The following CDIN1 variants were observed in gnomAD, a reference collection of about 807,000 sequenced individuals.
The protein encoded by CDIN1 is CDAN1 interacting nuclease 1.
In CDIN1, 33 loss-of-function variants were observed where a neutral mutation model predicts 45.3. That is an observed-to-expected ratio of 0.73 (90% CI 0.55 to 0.97). The LOEUF is 0.97. Among genes scored for constraint, CDIN1 ranks in the 50% least tolerant of loss-of-function variants. CDIN1 has a pLI of 0.00. For synonymous variants in CDIN1, 118 were observed against 124.4 expected (o/e 0.95, Z 0.34); for missense variants, 303 against 339.4 (o/e 0.89, Z 0.84).
chr15:36,597,357 G>A (rs2037885140), intron 1 of CDIN1, among the ~76,000 whole-genome samples: 1 of 152,086 alleles, frequency 6.6e-6, no homozygotes, highest in African/African-American at 2.4e-5. Context: ...ACCTCTTACT[G>A]AATTTTTTGA....
At chr15:36,711,524 A>G (rs1419629795) in intron 10 of CDIN1, among the ~76,000 whole-genome samples, 2 of 152,158 alleles carry the variant, frequency 1.3e-5, no homozygotes, top group Non-Finnish European at 2.9e-5. Context: ...TGCCTGGAGG[A>G]TGTCTGTGTG....
intron 8 of CDIN1, chr15:36,706,764 A>T (rs971207832): frequency 1.3e-5 from 2 of 152,168 alleles, no homozygotes; most frequent in African/African-American, 4.8e-5. Context: ...GATAACAGTG[A>T]GAGTTCTCCA....
intron 10 of CDIN1, among the ~76,000 whole-genome samples, chr15:36,722,691 T>A (rs972482087): frequency 6.6e-6 from 1 of 152,194 alleles, no homozygotes; most frequent in African/African-American, 2.4e-5. Flanking sequence ...GAATGGATAA[T>A]GTATAAGTGA....
Position 36,705,586 on chromosome 15 carries a change from A to C in CDIN1, c.545-3637A>C, listed in dbSNP as rs531677614. ...GTATAAATTGGAATGTTGGACTAGT[A>C]ATCTCTACAATTTTGCTAGTTCAGA... On this transcript the variant is annotated intron_variant, in intron 8 of 10. Transcript: ENST00000566621. 5.3e-5 allele frequency: 8 copies of C among 152,242 alleles called. No homozygotes were observed. The East Asian group carries it at 1.5e-3, about 29-fold the overall frequency. The allele number at this position is 152,242 out of a possible 1,614,324, so 9.4% of individuals were successfully genotyped here.
At chr15:36,704,701 C>A (rs1167832745) in intron 8 of CDIN1, 2 of 151,946 alleles carry the variant, frequency 1.3e-5, no homozygotes, top group African/African-American at 4.8e-5. Flanking sequence ...TAATAATATT[C>A]TTCTTATCAT....
At chr15:36,651,288 C>G (rs551849223) in intron 3 of CDIN1, among the ~76,000 whole-genome samples, 130 of 152,240 alleles carry the variant, frequency 8.5e-4, no homozygotes, top group Non-Finnish European at 1.3e-3. Context: ...CCCCAAAGAG[C>G]ATTCAGGGTA....
Position 36,579,740 on chromosome 15 carries a change from C to A in CDIN1, c.-121C>A. On this transcript the variant is annotated 5_prime_UTR_variant, in exon 1 of 11. Transcript: ENST00000566621. ...TGTTTCAGGGGGGATTGGGGCAAGC[C>A]AAGCAGGCGAGGACCCGGGCCTGTG... 1 of 740,666 alleles carries A rather than the reference C, an allele frequency of 1.4e-6. No individual in the cohort carries two copies. The highest frequency in any genetic ancestry group is 2.2e-6 in the Non-Finnish European group (1 of 457,752). 45.9% of individuals were successfully genotyped at this position (740,666 alleles called of 1,614,324 possible).
intron 10 of CDIN1, among the ~76,000 whole-genome samples, chr15:36,740,681 G>A (rs1421127595): frequency 1.3e-5 from 2 of 152,160 alleles, no homozygotes; most frequent in East Asian, 1.9e-4. Context: ...CCGAGGTCGG[G>A]AGTTCGAGAC....
rs112508557 is a variant in CDIN1 at position 36,754,709 on chromosome 15, A to G, written c.716+44748A>G. The stretch of plus-strand genomic sequence containing the variant: ...ATGATATTTGAAAAGGCCATAAAGA[A>G]AAACAATTATATAATTGTTTTTAAA... On this transcript the variant is annotated intron_variant, in intron 10 of 10. Transcript: ENST00000566621. 5.1e-3 allele frequency among the ~76,000 whole-genome samples: 772 copies of G among 152,202 alleles called. 2 individuals carry two copies. Among genetic ancestry groups the G allele is most frequent in the Non-Finnish European group, 8.9e-3 (602 of 68,000 alleles).
At chr15:36,670,728 T>A (rs2041418834) in intron 5 of CDIN1, among the ~76,000 whole-genome samples, 1 of 152,152 alleles carries the variant, frequency 6.6e-6, no homozygotes, top group Non-Finnish European at 1.5e-5. Context: ...GAATTATTTC[T>A]TGTTTTAATC....
At chr15:36,685,783 T>A (rs2042019532) in intron 5 of CDIN1, among the ~76,000 whole-genome samples, 1 of 152,128 alleles carries the variant, frequency 6.6e-6, no homozygotes, top group African/African-American at 2.4e-5. Flanking sequence ...AGAAGACATC[T>A]ATGTGGCCAA....
intron 10 of CDIN1, among the ~76,000 whole-genome samples, chr15:36,742,852 C>A (rs1011566855): frequency 6.6e-6 from 1 of 152,062 alleles, no homozygotes; most frequent in South Asian, 2.1e-4. Flanking sequence ...GTAAAATAAA[C>A]AAAAATGTTA....
chr15:36,738,173 T>C (rs1309297240), intron 10 of CDIN1, among the ~76,000 whole-genome samples: 2 of 152,146 alleles, frequency 1.3e-5, no homozygotes, highest in African/African-American at 4.8e-5. Flanking sequence ...ACCATCTGCG[T>C]GCTAATACTT....
chr15:36,622,927 A>G (rs116282431), intron 1 of CDIN1, among the ~76,000 whole-genome samples: 1,649 of 152,340 alleles, frequency 0.011, 26 homozygotes, highest in African/African-American at 0.037. Context: ...GAAGCTTCTT[A>G]TATCAAATTC....
chr15:36,734,203 T>C (rs1468682964), intron 10 of CDIN1, among the ~76,000 whole-genome samples: 1 of 152,104 alleles, frequency 6.6e-6, no homozygotes, highest in Non-Finnish European at 1.5e-5. Context: ...TATAGTAGTC[T>C]TCCCCCTCCT....
intron 8 of CDIN1, among the ~76,000 whole-genome samples, chr15:36,698,162 A>G (rs925389282): frequency 6.6e-6 from 1 of 152,212 alleles, no homozygotes; most frequent in Non-Finnish European, 1.5e-5. Flanking sequence ...ATTGGATTAC[A>G]TAAGGTTTTT....
Position 36,788,220 on chromosome 15 carries a change from G to A in CDIN1, c.717-20104G>A, listed in dbSNP as rs988507640. Among the ~76,000 whole-genome samples, 6 of 145,646 alleles carry A rather than the reference G, an allele frequency of 4.1e-5. No homozygotes were observed. In the East Asian group the frequency reaches 6.3e-4, roughly 15 times the overall value. On this transcript the variant is annotated intron_variant, in intron 10 of 10. Coordinates refer to ENST00000566621, the MANE Select transcript of CDIN1 (RefSeq NM_001321759.2). ...CAACCTCTGCCTCCTGGGTTCAAGCGATTCTTCTGCCTCAGCCTCCCGAGT... is the reference window on the plus strand; with the variant it reads ...CAACCTCTGCCTCCTGGGTTCAAGCAATTCTTCTGCCTCAGCCTCCCGAGT...
At chr15:36,647,140 C>T (rs2040366913) in intron 3 of CDIN1, among the ~76,000 whole-genome samples, 1 of 151,072 alleles carries the variant, frequency 6.6e-6, no homozygotes, top group Non-Finnish European at 1.5e-5. Context: ...CCTACTGCCT[C>T]AGTCTCCTGA....
chr15:36,800,859 ATGTGTGTGTGTGTGTATATATGTGTG>A (rs1345610427), intron 10 of CDIN1, among the ~76,000 whole-genome samples: 4 of 93,730 alleles, frequency 4.3e-5, no homozygotes, highest in Admixed American at 1.3e-4. Context: ...GATTATACAT[ATGTGTGTGTGTGTGTATATATGTGTG>A]TGTGTGTGTG....
Sources: gnomAD v4.1 joint callset for allele counts (sites outside exome capture counted in the v4.1 genomes callset) on GRCh38, gnomAD v4.1.1 for gene constraint, MANE v1.5 for transcripts, NCBI Gene and HGNC (gene_info 2026-07-23, HGNC 2026-07-21) for gene names.